AKAP19: variants seen among roughly 807,000 people sequenced by gnomAD.
The protein encoded by AKAP19 is A-kinase anchoring protein 19.
chr2:189,880,515 T>G, the AKAP19 span, among the ~76,000 whole-genome samples: 104 of 152,322 alleles, frequency 6.8e-4, no homozygotes, highest in South Asian at 2.9e-3. Context: ...ATGGTCACAT[T>G]ACTGAATCCA....
At chr2:190,118,225 A>G in the AKAP19 span, among the ~76,000 whole-genome samples, 4 of 152,230 alleles carry the variant, frequency 2.6e-5, no homozygotes, top group Admixed American at 2.6e-4. Flanking sequence ...GCAATAATTA[A>G]TAGCTTACCA....
the AKAP19 span, among the ~76,000 whole-genome samples, chr2:189,883,329 C>T: frequency 5.3e-5 from 8 of 152,146 alleles, no homozygotes; most frequent in Non-Finnish European, 8.8e-5. Context: ...TCTATAAGCC[C>T]GTATTTCTTA....
chr2:189,945,968 C>T, the AKAP19 span, among the ~76,000 whole-genome samples: 1 of 152,148 alleles, frequency 6.6e-6, no homozygotes, highest in Non-Finnish European at 1.5e-5. Context: ...CTACTTGACA[C>T]TTTCAAAAAT....
chr2:190,188,673 C>G, the AKAP19 span, among the ~76,000 whole-genome samples: 1 of 152,194 alleles, frequency 6.6e-6, no homozygotes, highest in Non-Finnish European at 1.5e-5. Flanking sequence ...CAGGCTTATA[C>G]TGTAATTGCC....
At chr2:189,947,091 A>G in the AKAP19 span, among the ~76,000 whole-genome samples, 1 of 151,938 alleles carries the variant, frequency 6.6e-6, no homozygotes, top group African/African-American at 2.4e-5. Context: ...TTCATTAAGG[A>G]TTAAGTGAGC....
chr2:190,119,987 C>CT, the AKAP19 span, among the ~76,000 whole-genome samples: 1 of 152,122 alleles, frequency 6.6e-6, no homozygotes, highest in African/African-American at 2.4e-5. Flanking sequence ...GACTTATCAA[C>CT]ACAAATGAGT....
chr2:190,119,903 A>G, the AKAP19 span, among the ~76,000 whole-genome samples: 1 of 152,244 alleles, frequency 6.6e-6, no homozygotes, highest in Non-Finnish European at 1.5e-5. Flanking sequence ...GAGAAATAGT[A>G]GACTGAGGGA....
At chr2:190,156,510 G>C in the AKAP19 span, among the ~76,000 whole-genome samples, 1 of 152,070 alleles carries the variant, frequency 6.6e-6, no homozygotes, top group Non-Finnish European at 1.5e-5. Flanking sequence ...TGATAAATTA[G>C]GGGAAATTAT....
chr2:190,027,634 T>G, the AKAP19 span, among the ~76,000 whole-genome samples: 1 of 152,168 alleles, frequency 6.6e-6, no homozygotes, highest in Admixed American at 6.5e-5. Context: ...CATATGTAAG[T>G]GCAATAAGTA....
the AKAP19 span, among the ~76,000 whole-genome samples, chr2:190,052,027 G>A: frequency 6.6e-6 from 1 of 151,960 alleles, no homozygotes; most frequent in African/African-American, 2.4e-5. Context: ...TTTTAGTAGA[G>A]ACGGTGTTTC....
At chr2:189,923,930 G>C in the AKAP19 span, 11 of 1,611,000 alleles carry the variant, frequency 6.8e-6, no homozygotes, top group Non-Finnish European at 9.3e-6. Context: ...TTCTTTCCTG[G>C]AAAACCTGGA....
At chr2:189,950,031 T>TTTTG in the AKAP19 span, among the ~76,000 whole-genome samples, 2 of 141,192 alleles carry the variant, frequency 1.4e-5, no homozygotes, top group Non-Finnish European at 3.1e-5. Flanking sequence ...GTTTTGGGTT[T>TTTTG]TTTTTTTTTT....
the AKAP19 span, among the ~76,000 whole-genome samples, chr2:190,125,676 G>A: frequency 6.6e-6 from 1 of 152,070 alleles, no homozygotes; most frequent in Non-Finnish European, 1.5e-5. Flanking sequence ...AGATCATGAT[G>A]GATAACATGG....
At chr2:190,116,786 G>GATT in the AKAP19 span, among the ~76,000 whole-genome samples, 3 of 152,128 alleles carry the variant, frequency 2.0e-5, no homozygotes, top group African/African-American at 7.2e-5. Flanking sequence ...AACTGGTTTT[G>GATT]ATTTATTCTT....
At chr2:190,045,383 G>C in the AKAP19 span, among the ~76,000 whole-genome samples, 2 of 152,100 alleles carry the variant, frequency 1.3e-5, no homozygotes, top group Non-Finnish European at 2.9e-5. Flanking sequence ...ACCGTCCCAG[G>C]GGGATTTCAA....
the AKAP19 span, chr2:189,923,958 A>G: frequency 1.2e-6 from 2 of 1,609,060 alleles, no homozygotes; most frequent in African/African-American, 2.7e-5. Flanking sequence ...GAAAAGGAAC[A>G]GAGCAAACAA....
chr2:190,130,959 A>G, the AKAP19 span, among the ~76,000 whole-genome samples: 5 of 152,318 alleles, frequency 3.3e-5, no homozygotes, highest in African/African-American at 1.2e-4. Context: ...AGATATGATC[A>G]TTTTGCTGTA....
At chr2:190,088,422 C>T in the AKAP19 span, among the ~76,000 whole-genome samples, 4 of 152,112 alleles carry the variant, frequency 2.6e-5, no homozygotes, top group East Asian at 5.8e-4. Flanking sequence ...CCTTTTTGTC[C>T]CTTTGCTTAG....
the AKAP19 span, among the ~76,000 whole-genome samples, chr2:190,156,436 C>T: frequency 3.3e-5 from 5 of 151,598 alleles, no homozygotes; most frequent in Admixed American, 6.6e-5. Context: ...GTGTGACAGA[C>T]GATTAAATTT....
Sources: gnomAD v4.1 joint callset for allele counts (sites outside exome capture counted in the v4.1 genomes callset) on GRCh38, gnomAD v4.1.1 for gene constraint, MANE v1.5 for transcripts, NCBI Gene and HGNC (gene_info 2026-07-23, HGNC 2026-07-21) for gene names.